TMEM232: variants seen among roughly 807,000 people sequenced by gnomAD.
The protein encoded by TMEM232 is transmembrane protein 232.
Under a neutral mutation model 78.8 loss-of-function variants are expected in TMEM232, and 80 were observed. The observed-to-expected ratio is 1.01, with a 90% confidence interval of 0.85 to 1.22. TMEM232 has a LOEUF of 1.22. Ranked by LOEUF, TMEM232 falls within the 50% of genes most tolerant of loss-of-function variation. TMEM232 has a pLI of 0.00. For synonymous variants in TMEM232, 297 were observed against 254.3 expected (o/e 1.17, Z -1.60); for missense variants, 881 against 742.2 (o/e 1.19, Z -2.17).
intron 10 of TMEM232, among the ~76,000 whole-genome samples, chr5:110,603,934 C>T (rs1781250394): frequency 5.3e-5 from 8 of 152,058 alleles, no homozygotes; most frequent in Admixed American, 4.6e-4. Context: ...ATCATAATTT[C>T]CCCCAAATCA....
At chr5:110,430,600 T>C (rs965829519) in intron 12 of TMEM232, among the ~76,000 whole-genome samples, 3 of 151,732 alleles carry the variant, frequency 2.0e-5, no homozygotes, top group African/African-American at 7.2e-5. Flanking sequence ...TAAAAATATG[T>C]TTTTGTTTTC....
At chr5:110,575,898 C>T in intron 10 of TMEM232, among the ~76,000 whole-genome samples, 1 of 151,904 alleles carries the variant, frequency 6.6e-6, no homozygotes, top group East Asian at 1.9e-4. Context: ...TACAAGGGGA[C>T]CCGGGAGCTT....
chr5:110,421,186 A>G (rs1756600461), intron 13 of TMEM232, among the ~76,000 whole-genome samples: 1 of 152,004 alleles, frequency 6.6e-6, no homozygotes, highest in Non-Finnish European at 1.5e-5. Flanking sequence ...TATGAAGTTA[A>G]AAATGAAATT....
intron 1 of TMEM232, among the ~76,000 whole-genome samples, chr5:110,703,336 G>A (rs909527970): frequency 2.0e-5 from 3 of 151,980 alleles, no homozygotes; most frequent in African/African-American, 7.2e-5. Context: ...ATTTCAGTTT[G>A]CTATGCTACA....
rs565098504 is a variant in TMEM232, at chr5:110,565,737, T to C, written c.1455+2710A>G. On this transcript the variant is annotated intron_variant, in intron 11 of 13. Coordinates refer to ENST00000455884, the MANE Select transcript of TMEM232 (RefSeq NM_001039763.4). ...ATGACCCAACATATATTCAGTTACCTGCTAAATGTGAGTGCACAGGTTAGT... is the reference window on the plus strand; with the variant it reads ...ATGACCCAACATATATTCAGTTACCCGCTAAATGTGAGTGCACAGGTTAGT... 2.6e-5 allele frequency among the ~76,000 whole-genome samples: 4 copies of C among 152,072 alleles called. No individual in the cohort carries two copies. The East Asian group carries it at 7.7e-4, about 29-fold the overall frequency.
intron 11 of TMEM232, among the ~76,000 whole-genome samples, chr5:110,539,232 C>A (rs1407973934): frequency 6.6e-6 from 1 of 152,058 alleles, no homozygotes; most frequent in East Asian, 1.9e-4. Flanking sequence ...AAAACAATAC[C>A]TAATTAAGCT....
chr5:110,485,893 ACT>A (rs1764410154), intron 12 of TMEM232, among the ~76,000 whole-genome samples: 1 of 152,116 alleles, frequency 6.6e-6, no homozygotes, highest in African/African-American at 2.4e-5. Context: ...GAATCTCCAC[ACT>A]GTTTCCATAG....
chr5:110,439,706 C>A (rs554932407), intron 12 of TMEM232, among the ~76,000 whole-genome samples: 11 of 152,090 alleles, frequency 7.2e-5, no homozygotes, highest in Admixed American at 6.6e-4. Flanking sequence ...CTAAGAAACT[C>A]AAAAAGTCAA....
chr5:110,721,005 C>T (rs1036534716), intron 1 of TMEM232: 1 of 152,076 alleles, frequency 6.6e-6, no homozygotes, highest in Non-Finnish European at 1.5e-5. Flanking sequence ...TATATACTCA[C>T]TTGCTAAAGG....
chr5:110,406,768 C>A (rs754822321), intron 2 of TMEM232, among the ~76,000 whole-genome samples: 85 of 152,020 alleles, frequency 5.6e-4, no homozygotes, highest in Admixed American at 1.8e-3. Context: ...TTAAAAATAT[C>A]ATAGTTACAG....
intron 13 of TMEM232, among the ~76,000 whole-genome samples, chr5:110,423,263 A>C (rs311689): frequency 0.28 from 42,623 of 152,094 alleles, 9,908 homozygotes; most frequent in African/African-American, 0.62. Context: ...TGTTTTTGGG[A>C]ATAGACTCAT....
chr5:110,583,784 G>A (rs1407436809), intron 10 of TMEM232, among the ~76,000 whole-genome samples: 1 of 151,494 alleles, frequency 6.6e-6, no homozygotes, highest in Non-Finnish European at 1.5e-5. Flanking sequence ...AAACTCAATA[G>A]TAAAATAAAA....
intron 12 of TMEM232, among the ~76,000 whole-genome samples, chr5:110,428,775 A>AATCTC (rs1757516503): frequency 6.6e-6 from 1 of 151,674 alleles, no homozygotes; most frequent in Non-Finnish European, 1.5e-5. Context: ...AATTCAGGAT[A>AATCTC]ATCTCATCTC....
At chr5:110,695,327 C>A (rs1335079519) in intron 1 of TMEM232, among the ~76,000 whole-genome samples, 4 of 152,146 alleles carry the variant, frequency 2.6e-5, no homozygotes, top group Middle Eastern at 3.2e-3. Flanking sequence ...ATTTATAGCA[C>A]TAAATGCCCA....
chr5:110,587,701 G>A (rs1311749420), intron 10 of TMEM232, among the ~76,000 whole-genome samples: 1,383 of 96,908 alleles, frequency 0.014, 23 homozygotes, highest in African/African-American at 0.072. Flanking sequence ...ATGTGTGTGT[G>A]TGTGTGTGTG....
chr5:110,596,882 T>A (rs1483462087), intron 10 of TMEM232, among the ~76,000 whole-genome samples: 1 of 152,076 alleles, frequency 6.6e-6, no homozygotes, highest in Non-Finnish European at 1.5e-5. Flanking sequence ...ATAAGAGCTA[T>A]CTATGACAAA....
intron 12 of TMEM232, among the ~76,000 whole-genome samples, chr5:110,461,371 A>T (rs1412424652): frequency 6.6e-6 from 1 of 152,156 alleles, no homozygotes; most frequent in Non-Finnish European, 1.5e-5. Flanking sequence ...CAGTTCTATG[A>T]AGACTGAGAG....
chr5:110,598,112 C>T (rs1016032446), intron 10 of TMEM232, among the ~76,000 whole-genome samples: 6 of 152,136 alleles, frequency 3.9e-5, no homozygotes, highest in Admixed American at 3.9e-4. Flanking sequence ...GCAACCTACT[C>T]ATCTGACAAA....
chr5:110,573,205 G>A (rs1192807859), intron 10 of TMEM232, among the ~76,000 whole-genome samples: 1 of 151,968 alleles, frequency 6.6e-6, no homozygotes, highest in African/African-American at 2.4e-5. Flanking sequence ...CCCTTTGATA[G>A]ACTTTAATTG....
Sources: allele counts gnomAD v4.1 joint callset (sites outside exome capture counted in the v4.1 genomes callset), GRCh38; gene constraint gnomAD v4.1.1; transcripts MANE v1.5; gene names NCBI Gene and HGNC (gene_info 2026-07-23, HGNC 2026-07-21).